KCNQ1: variants seen among roughly 807,000 people sequenced by gnomAD.
The protein encoded by KCNQ1 is potassium voltage-gated channel subfamily KQT member 1.
A neutral mutation model predicts 72.4 loss-of-function variants in KCNQ1; 49 were observed. That is an observed-to-expected ratio of 0.68 (90% CI 0.54 to 0.86). KCNQ1 has a LOEUF of 0.86. Among genes scored for constraint, KCNQ1 ranks in the 40% least tolerant of loss-of-function variants. The pLI, the probability that KCNQ1 is intolerant of heterozygous loss-of-function variation, is 0.00. For synonymous variants in KCNQ1, 450 were observed against 412.6 expected (o/e 1.09, Z -1.10); for missense variants, 790 against 945.1 (o/e 0.84, Z 2.15).
At chr11:2,756,669 T>G (rs1846303389) in intron 11 of KCNQ1, among the ~76,000 whole-genome samples, 1 of 151,992 alleles carries the variant, frequency 6.6e-6, no homozygotes, top group Non-Finnish European at 1.5e-5. Context: ...CAGGCTGGTC[T>G]TGAACTCCTG....
chr11:2,605,585 CA>C (rs1321451349), intron 10 of KCNQ1, among the ~76,000 whole-genome samples: 1 of 152,216 alleles, frequency 6.6e-6, no homozygotes, highest in African/African-American at 2.4e-5. Context: ...TGTCAAAAAT[CA>C]ATTGACCATA....
intron 10 of KCNQ1, chr11:2,609,198 T>C (rs1458445304): frequency 2.5e-6 from 1 of 398,296 alleles, no homozygotes; most frequent in African/African-American, 2.1e-5. Flanking sequence ...TTTAAATGTA[T>C]CCCATAAGTT....
rs1846713590 is a variant in KCNQ1, at chr11:2,484,831, G to A, written c.386+39347G>A. 6.6e-6 allele frequency among the ~76,000 whole-genome samples: 1 copy of A among 152,208 alleles called. No homozygotes were observed. ...CATCTGCAGATATATTCATACATGA[G>A]TGGGCTCATACTGTCTCCAACTCCA... On this transcript the variant is annotated intron_variant, in intron 1 of 15. Coordinates refer to ENST00000155840, the MANE Select transcript of KCNQ1 (RefSeq NM_000218.3). This position sits in a 1 kb window ranked among gnomAD's most constrained non-coding sequence, Gnocchi z 5.2.
At chr11:2,513,817 A>C (rs1430871194) in intron 1 of KCNQ1, among the ~76,000 whole-genome samples, 1 of 152,090 alleles carries the variant, frequency 6.6e-6, no homozygotes, top group East Asian at 1.9e-4. Flanking sequence ...GCCCTCCCTT[A>C]TTGCCCCTTC....
chr11:2,490,770 C>G (rs1284076736), intron 1 of KCNQ1, among the ~76,000 whole-genome samples: 1 of 152,186 alleles, frequency 6.6e-6, no homozygotes, highest in Non-Finnish European at 1.5e-5. Flanking sequence ...CTCACCGCAA[C>G]CTCTGTCTCC....
At chr11:2,646,582 A>G (rs1043768014) in intron 10 of KCNQ1, 33 of 398,408 alleles carry the variant, frequency 8.3e-5, no homozygotes, top group South Asian at 1.3e-4. Context: ...CTGGGGTGCA[A>G]TGGTGCAATT....
chr11:2,568,081 C>T (rs1255609668), intron 2 of KCNQ1, among the ~76,000 whole-genome samples: 7 of 152,082 alleles, frequency 4.6e-5, no homozygotes, highest in Non-Finnish European at 1.0e-4. Context: ...CCAGCCTGGC[C>T]AACATGGCAA....
chr11:2,668,237 C>T lies in KCNQ1; in HGVS notation c.1514+6156C>T, dbSNP rs1262763984. ...CATTCTACCACCTGTGGCCAGCAGGCAGTTTCTGGTGTAGGTTGCTGTTTA... is the reference window on the plus strand; with the variant it reads ...CATTCTACCACCTGTGGCCAGCAGGTAGTTTCTGGTGTAGGTTGCTGTTTA... On this transcript the variant is annotated intron_variant, in intron 11 of 15. Coordinates refer to ENST00000155840, the MANE Select transcript of KCNQ1 (RefSeq NM_000218.3). This position sits in a 1 kb window ranked among gnomAD's most constrained non-coding sequence, Gnocchi z 4.3. 5.0e-6 allele frequency: 2 copies of T among 398,532 alleles called. No homozygotes were observed. Among genetic ancestry groups the T allele is most frequent in the Non-Finnish European group, 8.8e-6 (2 of 226,092 alleles). The allele number at this position is 398,532 out of a possible 1,614,324, so 24.7% of individuals were successfully genotyped here.
intron 11 of KCNQ1, among the ~76,000 whole-genome samples, chr11:2,727,151 C>G (rs1047011663): frequency 6.6e-6 from 1 of 152,184 alleles, no homozygotes; most frequent in African/African-American, 2.4e-5. Context: ...CAGGAAGGAG[C>G]AGCCATGGGG....
In KCNQ1 at chr11:2,595,728, A is replaced by G. The variant is rs1848724611; in HGVS notation, c.1393+6874A>G. ...TAGTGTTGTTCTTATGGCTGCTAACACAACATCCATTCTGCAGCCCATAAT... is the reference window on the plus strand; with the variant it reads ...TAGTGTTGTTCTTATGGCTGCTAACGCAACATCCATTCTGCAGCCCATAAT... On this transcript the variant is annotated intron_variant, in intron 10 of 15. Coordinates refer to ENST00000155840, the MANE Select transcript of KCNQ1 (RefSeq NM_000218.3). The surrounding 1 kb of genome is among the most constrained non-coding windows in gnomAD (Gnocchi z 5.0). Among the ~76,000 whole-genome samples, 1 of 152,206 alleles carries G rather than the reference A, an allele frequency of 6.6e-6. No homozygotes were observed. The highest frequency in any genetic ancestry group is 1.5e-5 in the Non-Finnish European group (1 of 68,032).
At chr11:2,700,732 G>A (rs555180349) in intron 11 of KCNQ1, among the ~76,000 whole-genome samples, 1 of 152,150 alleles carries the variant, frequency 6.6e-6, no homozygotes, top group East Asian at 1.9e-4. Flanking sequence ...CGCCGAGGGC[G>A]CCCCGCGCCT....
rs185333994 is a variant in KCNQ1 at position 2,617,201 on chromosome 11, A to G, written c.1393+28347A>G. The G allele has an allele frequency of 4.5e-5, 18 of 398,316 alleles. No homozygotes were observed. The highest frequency in any genetic ancestry group is 1.3e-4 in the Admixed American group (3 of 22,716). The allele number at this position is 398,316 out of a possible 1,614,324, so 24.7% of individuals were successfully genotyped here. A position where few individuals can be genotyped will look rare whatever the true frequency, so the allele number is the denominator to read the frequency against. The stretch of plus-strand genomic sequence containing the variant: ...TCATCCTATATATCTGCTACTTGGT[A>G]TCCTTTGACCTACATCTTTCCATTT... On this transcript the variant is annotated intron_variant, in intron 10 of 15. Transcript: ENST00000155840. The surrounding 1 kb of genome is among the most constrained non-coding windows in gnomAD (Gnocchi z 4.6).
rs1248409529 is a variant in KCNQ1, at chr11:2,750,826, A to C, written c.1515-18018A>C. Among the ~76,000 whole-genome samples, 1 of 152,116 alleles carries C rather than the reference A, an allele frequency of 6.6e-6. No homozygotes were observed. The highest frequency in any genetic ancestry group is 2.4e-5 in the African/African-American group (1 of 41,398). On this transcript the variant is annotated intron_variant, in intron 11 of 15. Transcript: ENST00000155840. This position sits in a 1 kb window ranked among gnomAD's most constrained non-coding sequence, Gnocchi z 6.3. ...TTCTCCGGCATGCTGGAAGCCGGCC[A>C]ACTCGCCAGTTCCATTAACTTAATG...
At chr11:2,714,918 G>A (rs1851065042) in intron 11 of KCNQ1, among the ~76,000 whole-genome samples, 4 of 151,922 alleles carry the variant, frequency 2.6e-5, no homozygotes, top group African/African-American at 9.7e-5. Flanking sequence ...CAGCTCGTCA[G>A]TGTTACCTGG....
At chr11:2,837,035 C>G (rs936545449) in intron 15 of KCNQ1, among the ~76,000 whole-genome samples, 1 of 152,182 alleles carries the variant, frequency 6.6e-6, no homozygotes, top group Non-Finnish European at 1.5e-5. Flanking sequence ...GCAGAGAGCC[C>G]GTGGGCTGGG....
At position 2,547,116 on chromosome 11, in the gene KCNQ1, CTGTCAT is replaced by C. The variant is rs1847911289; in HGVS notation, c.477+19103_477+19108del. On this transcript the variant is annotated intron_variant, in intron 2 of 15. Coordinates refer to ENST00000155840, the MANE Select transcript of KCNQ1 (RefSeq NM_000218.3). This position sits in a 1 kb window ranked among gnomAD's most constrained non-coding sequence, Gnocchi z 4.2. ...AGGACTGACATTCTTGGTCTCAACT[CTGTCAT>C]TGTCTTTTATAATTACGTGTATTTT... 6.6e-6 allele frequency among the ~76,000 whole-genome samples: 1 copy of C among 152,206 alleles called. No homozygotes were observed. The highest frequency in any genetic ancestry group is 6.5e-5 in the Admixed American group (1 of 15,280).
In KCNQ1 at chr11:2,564,062, C is replaced by T. The variant is rs960959759; in HGVS notation, c.478-6566C>T. Among the ~76,000 whole-genome samples, 2 of 152,206 alleles carry T rather than the reference C, an allele frequency of 1.3e-5. No individual in the cohort carries two copies. The highest frequency in any genetic ancestry group is 4.8e-5 in the African/African-American group (2 of 41,450). ...GTGAGCAACCGCCACGGGCCAGGGC[C>T]CCTCGAGGCACTCATTTCAGTATCA... On this transcript the variant is annotated intron_variant, in intron 2 of 15. Coordinates refer to ENST00000155840, the MANE Select transcript of KCNQ1 (RefSeq NM_000218.3). This position sits in a 1 kb window ranked among gnomAD's most constrained non-coding sequence, Gnocchi z 4.5.
At chr11:2,529,972 G>A (rs901317107) in intron 2 of KCNQ1, among the ~76,000 whole-genome samples, 1 of 152,192 alleles carries the variant, frequency 6.6e-6, no homozygotes, top group Non-Finnish European at 1.5e-5. Flanking sequence ...CTGTCAGTGA[G>A]GGGCCCCCCT....
At chr11:2,569,713 C>T (rs1402882586) in intron 2 of KCNQ1, among the ~76,000 whole-genome samples, 7 of 152,222 alleles carry the variant, frequency 4.6e-5, no homozygotes, top group Admixed American at 6.5e-5. Flanking sequence ...TGCAGGTGGC[C>T]GCTGCACTTT....
Sources: gnomAD v4.1 joint callset for allele counts (sites outside exome capture counted in the v4.1 genomes callset) on GRCh38, gnomAD v4.1.1 for gene constraint, Gnocchi (gnomAD v3.1) non-coding constraint, MANE v1.5 for transcripts, NCBI Gene and HGNC (gene_info 2026-07-23, HGNC 2026-07-21) for gene names.